RCOR1: variants seen among roughly 807,000 people sequenced by gnomAD.
The protein encoded by RCOR1 is REST corepressor 1, also known as REST corepressor.
RCOR1 carries 12 observed loss-of-function variants against 64.0 expected under a neutral mutation model. That is an observed-to-expected ratio of 0.19 (90% CI 0.12 to 0.30). RCOR1 has a LOEUF of 0.30. Ranked by LOEUF, RCOR1 falls within the 10% of genes least tolerant of loss-of-function variation. The pLI, the probability that RCOR1 is intolerant of heterozygous loss-of-function variation, is 1.00. For synonymous variants in RCOR1, 279 were observed against 227.2 expected (o/e 1.23, Z -2.05); for missense variants, 502 against 621.2 (o/e 0.81, Z 2.04).
At chr14:102,648,882 G>C (rs757319025) in intron 2 of RCOR1, among the ~76,000 whole-genome samples, 10 of 152,138 alleles carry the variant, frequency 6.6e-5, no homozygotes, top group Admixed American at 2.0e-4. Context: ...GAAATCTTGG[G>C]ATAATAGCTG....
At chr14:102,658,602 G>T in intron 2 of RCOR1, 13 of 985,390 alleles carry the variant, frequency 1.3e-5, no homozygotes, top group Non-Finnish European at 1.6e-5. Context: ...TCCTTTTCCT[G>T]TATGCTATGG....
intron 2 of RCOR1, chr14:102,643,477 C>CATTAAT: frequency 4.0e-6 from 1 of 252,552 alleles, no homozygotes; most frequent in Non-Finnish European, 6.3e-6. Flanking sequence ...AATTACCTTG[C>CATTAAT]CAGAACTGAA....
chr14:102,633,870 T>C (rs1187510023), intron 2 of RCOR1, among the ~76,000 whole-genome samples: 1 of 152,176 alleles, frequency 6.6e-6, no homozygotes, highest in Non-Finnish European at 1.5e-5. Flanking sequence ...ATATCAAATC[T>C]TGAGAAGTTG....
intron 10 of RCOR1, 55 bp downstream of exon 10, chr14:102,721,432 T>C (rs1196678509): frequency 1.9e-5 from 25 of 1,320,948 alleles, no homozygotes; most frequent in Non-Finnish European, 4.4e-6. Flanking sequence ...GGCTCACACC[T>C]GTAATCCCAA....
intron 2 of RCOR1, among the ~76,000 whole-genome samples, chr14:102,636,765 T>C (rs1319581664): frequency 4.6e-5 from 7 of 150,798 alleles, no homozygotes; most frequent in Non-Finnish European, 7.4e-5. Context: ...AGGTCAGGAG[T>C]TCGAGACCAG....
chr14:102,625,231 CTTTTTTTTTTT>C (rs61403856), intron 2 of RCOR1, among the ~76,000 whole-genome samples: 101 of 79,192 alleles, frequency 1.3e-3, no homozygotes, highest in African/African-American at 4.5e-3. Flanking sequence ...TATCTTGTTA[CTTTTTTTTTTT>C]TTTTTTTTTT....
intron 2 of RCOR1, among the ~76,000 whole-genome samples, chr14:102,598,695 G>T (rs980147011): frequency 1.2e-4 from 18 of 151,754 alleles, no homozygotes; most frequent in African/African-American, 4.4e-4. Flanking sequence ...TGATCCGCCC[G>T]CCTCGGCCTC....
At chr14:102,634,920 C>T (rs539577413) in intron 2 of RCOR1, among the ~76,000 whole-genome samples, 4 of 149,846 alleles carry the variant, frequency 2.7e-5, no homozygotes, top group Non-Finnish European at 5.9e-5. Flanking sequence ...GTTGGTCAGG[C>T]TGGTCTCAAA....
At chr14:102,666,810 T>A (rs1332891762) in intron 2 of RCOR1, among the ~76,000 whole-genome samples, 1 of 152,210 alleles carries the variant, frequency 6.6e-6, no homozygotes, top group Admixed American at 6.5e-5. Flanking sequence ...TCAACATGAC[T>A]GATGACTGCT....
At chr14:102,644,147 G>A (rs1894430824) in intron 2 of RCOR1, among the ~76,000 whole-genome samples, 3 of 152,214 alleles carry the variant, frequency 2.0e-5, no homozygotes, top group South Asian at 4.1e-4. Context: ...TGGCCAGACA[G>A]CTTTCTTCCT....
intron 2 of RCOR1, among the ~76,000 whole-genome samples, chr14:102,616,651 C>T (rs1893768240): frequency 6.6e-6 from 1 of 152,126 alleles, no homozygotes. Flanking sequence ...TGGTCCCTAG[C>T]ACTGGCACTT....
chr14:102,703,245 T>C lies in RCOR1; in HGVS notation c.498+1915T>C, dbSNP rs573832375. On this transcript the variant is annotated intron_variant, in intron 4 of 11. Coordinates refer to ENST00000262241, the MANE Select transcript of RCOR1 (RefSeq NM_015156.4). ...GGACACAATCGGGTGGACTAACATA[T>C]GCATGTGGAAGTTGCATAAGGAGTA... Among the ~76,000 whole-genome samples the C allele has an allele frequency of 2.1e-4, 32 of 152,290 alleles. No individual in the cohort carries two copies. In the South Asian group the frequency reaches 6.2e-3, roughly 30 times the overall value.
intron 2 of RCOR1, among the ~76,000 whole-genome samples, chr14:102,595,540 C>T (rs376496609): frequency 8.6e-5 from 13 of 152,038 alleles, no homozygotes; most frequent in Admixed American, 5.9e-4. Flanking sequence ...CATAGTCTTG[C>T]TGCCAATTGG....
intron 7 of RCOR1, among the ~76,000 whole-genome samples, chr14:102,711,219 G>A (rs1053082378): frequency 2.0e-5 from 3 of 152,216 alleles, no homozygotes; most frequent in African/African-American, 7.2e-5. Flanking sequence ...AGGCTTAAAG[G>A]ATAGAAAATA....
rs565897499 is a variant in RCOR1 at position 102,601,017 on chromosome 14, C to T, written c.361+7692C>T. On this transcript the variant is annotated intron_variant, in intron 2 of 11. Coordinates refer to ENST00000262241, the MANE Select transcript of RCOR1 (RefSeq NM_015156.4). ...CCAACCTGGCCAACATGATGAAACC[C>T]CTCTCTACTAAAAACACAAAAATTA... Among the ~76,000 whole-genome samples the T allele has an allele frequency of 4.3e-4, 65 of 151,476 alleles. No homozygotes were observed. The South Asian group carries it at 6.9e-3, about 16-fold the overall frequency.
intron 2 of RCOR1, among the ~76,000 whole-genome samples, chr14:102,600,355 G>A (rs1398143171): frequency 3.3e-5 from 5 of 151,914 alleles, no homozygotes; most frequent in African/African-American, 1.2e-4. Flanking sequence ...GATTACAAGC[G>A]TGAGCCACCG....
At chr14:102,636,735 C>G (rs1015085128) in intron 2 of RCOR1, among the ~76,000 whole-genome samples, 1 of 151,364 alleles carries the variant, frequency 6.6e-6, no homozygotes, top group African/African-American at 2.4e-5. Flanking sequence ...TTTTTGGGGC[C>G]GAGGCAGGCG....
At chr14:102,701,228 G>T in intron 3 of RCOR1, 50 bp from the exon 4 acceptor site, 1 of 1,418,222 alleles carries the variant, frequency 7.1e-7, no homozygotes, top group Non-Finnish European at 1.0e-6. Flanking sequence ...AGACCATAGG[G>T]TGTACTCTGT....
At chr14:102,649,790 C>T in intron 2 of RCOR1, 2 of 984,846 alleles carry the variant, frequency 2.0e-6, no homozygotes, top group Non-Finnish European at 2.4e-6. Flanking sequence ...GCTTTGTTTA[C>T]TGTAAAAAAT....
Sources: allele counts gnomAD v4.1 joint callset (sites outside exome capture counted in the v4.1 genomes callset), GRCh38; gene constraint gnomAD v4.1.1; transcripts MANE v1.5; gene names NCBI Gene and HGNC (gene_info 2026-07-23, HGNC 2026-07-21).